ARMC9: variants seen among roughly 807,000 people sequenced by gnomAD.
The protein encoded by ARMC9 is armadillo repeat containing 9, also known as lisH domain-containing protein ARMC9.
ARMC9 carries 94 observed loss-of-function variants against 107.0 expected under a neutral mutation model. That is an observed-to-expected ratio of 0.88 (90% CI 0.74 to 1.04). ARMC9 has a LOEUF of 1.04. Ranked by LOEUF, ARMC9 falls within the 50% of genes least tolerant of loss-of-function variation. The pLI is 0.00. For missense variants in ARMC9, 942 were observed against 1,030.1 expected, an observed-to-expected ratio of 0.91 and a Z score of 1.17; for synonymous variants, 380 against 396.9, an observed-to-expected ratio of 0.96 and a Z score of 0.51.
chr2:231,204,650 C>G (rs1028466215), intron 1 of ARMC9, among the ~76,000 whole-genome samples: 2 of 151,948 alleles, frequency 1.3e-5, no homozygotes, highest in African/African-American at 4.8e-5. Context: ...TGAGAAAAAT[C>G]AAGCAGTACA....
chr2:231,315,966 T>A (rs558148406), intron 19 of ARMC9, among the ~76,000 whole-genome samples: 1 of 152,360 alleles, frequency 6.6e-6, no homozygotes, highest in South Asian at 2.1e-4. Context: ...TCAGTATGCA[T>A]CTTTCACTTG....
intron 21 of ARMC9, among the ~76,000 whole-genome samples, chr2:231,350,026 TAAAAA>T (rs200774556): frequency 1.3e-3 from 183 of 136,918 alleles, no homozygotes; most frequent in African/African-American, 4.4e-3. Context: ...CACAAACATC[TAAAAA>T]AAAAAAAAAA....
At position 231,266,897 on chromosome 2, in the gene ARMC9, A is replaced by G. The variant is rs952118083; in HGVS notation, c.1120-4085A>G. On this transcript the variant is annotated intron_variant, in intron 12 of 24. Coordinates refer to ENST00000611582, the MANE Select transcript of ARMC9 (RefSeq NM_001352754.2). Reference sequence around the variant, plus strand: ...GTGCTGCTGTGAAGTGTGCATGCACATCCTGACTGTTGTGTTAATCCGCTC... The same window carrying G: ...GTGCTGCTGTGAAGTGTGCATGCACGTCCTGACTGTTGTGTTAATCCGCTC... Among the ~76,000 whole-genome samples the G allele has an allele frequency of 2.0e-5, 3 of 152,254 alleles. No individual in the cohort carries two copies. In the South Asian group the frequency reaches 6.2e-4, roughly 31 times the overall value.
Position 231,296,238 on chromosome 2 carries a change from A to T in ARMC9, c.1758A>T (p.Glu586Asp), listed in dbSNP as rs1208272593. 6.2e-7 allele frequency: 1 copy of T among 1,613,352 alleles called. No homozygotes were observed. The highest frequency in any genetic ancestry group is 2.2e-5 in the East Asian group (1 of 44,860). The change falls in exon 19 of 25, where the codon GAA (glutamate) becomes GAT (aspartate). Residue 586 changes from glutamate to aspartate, a missense_variant. By Grantham distance (45) the Glu-to-Asp change is conservative (BLOSUM62 2). Transcript: ENST00000611582. Reference sequence around the variant, plus strand: ...GTGTTCTTGAATCTGATGATGATGAAGATGAAGATGATGAAGTAAGTTGGA... The same window carrying T: ...GTGTTCTTGAATCTGATGATGATGATGATGAAGATGATGAAGTAAGTTGGA... Reference protein sequence around the residue: ...PDGVLESDDDEDEDDEEDHDI... With the variant: ...PDGVLESDDDDDEDDEEDHDI...
intron 9 of ARMC9, among the ~76,000 whole-genome samples, chr2:231,250,733 G>A (rs1244338304): frequency 1.3e-5 from 2 of 152,148 alleles, no homozygotes; most frequent in Non-Finnish European, 2.9e-5. Context: ...TTGAGGCTGA[G>A]CAGATGCGAT....
chr2:231,328,814 C>CTTTT lies in ARMC9; in HGVS notation c.1774-2978_1774-2975dup, dbSNP rs1341987081. Among the ~76,000 whole-genome samples the CTTTT allele has an allele frequency of 6.7e-3, 854 of 127,290 alleles. 109 individuals carry two copies. The highest frequency in any genetic ancestry group is 0.055 in the East Asian group (256 of 4,672). The allele number at this position is 127,290 out of a possible 152,430, so 83.5% of individuals were successfully genotyped here. ...AGCGTGTTCAATTTTCTTTTCTTTT[C>CTTTT]TTTTCTTTTTTTTTTTTTGAGTCGG... is the stretch of plus-strand genomic sequence containing the variant. On this transcript the variant is annotated intron_variant, in intron 19 of 24. Transcript: ENST00000611582.
chr2:231,240,631 T>G (rs2036207733), intron 9 of ARMC9, among the ~76,000 whole-genome samples: 1 of 152,190 alleles, frequency 6.6e-6, no homozygotes, highest in Non-Finnish European at 1.5e-5. Flanking sequence ...TTTCTTAAGG[T>G]TAGGAATATT....
chr2:231,372,581 G>GTCATCAGAA lies in ARMC9; in HGVS notation c.*1049_*1057dup, dbSNP rs1382287245. 1 of 152,354 alleles carries GTCATCAGAA rather than the reference G, an allele frequency of 6.6e-6. No homozygotes were observed. The highest frequency in any genetic ancestry group is 1.5e-5 in the Non-Finnish European group (1 of 68,152). 9.4% of individuals were successfully genotyped at this position (152,354 alleles called of 1,614,324 possible). A position where few individuals can be genotyped will look rare whatever the true frequency, so the allele number is the denominator to read the frequency against. The stretch of plus-strand genomic sequence containing the variant: ...CCTGCGCACGCCCCTCACCAGGGCT[G>GTCATCAGAA]TCATCAGAATCCAGTCTTAGGACAG... On this transcript the variant is annotated 3_prime_UTR_variant, in exon 25 of 25. Coordinates refer to ENST00000611582, the MANE Select transcript of ARMC9 (RefSeq NM_001352754.2).
At chr2:231,250,509 C>T (rs1188484760) in intron 9 of ARMC9, among the ~76,000 whole-genome samples, 2 of 152,196 alleles carry the variant, frequency 1.3e-5, no homozygotes, top group Non-Finnish European at 2.9e-5. Flanking sequence ...CTGCCACTCA[C>T]ACTGCAGAGA....
chr2:231,251,293 A>G (rs999809081), intron 9 of ARMC9, among the ~76,000 whole-genome samples: 1 of 151,976 alleles, frequency 6.6e-6, no homozygotes, highest in Admixed American at 6.5e-5. Context: ...CGGCCTCCCA[A>G]GTAGCTGGGA....
intron 1 of ARMC9, among the ~76,000 whole-genome samples, chr2:231,200,953 G>A (rs376752605): frequency 6.6e-6 from 1 of 152,130 alleles, no homozygotes; most frequent in Non-Finnish European, 1.5e-5. Flanking sequence ...ATGTTTGCCT[G>A]GGGGGGCAGA....
intron 19 of ARMC9, among the ~76,000 whole-genome samples, chr2:231,321,876 A>T (rs1575075328): frequency 6.6e-6 from 1 of 152,016 alleles, no homozygotes; most frequent in Non-Finnish European, 1.5e-5. Flanking sequence ...GTCTTCTCTT[A>T]TTGGGTGTAT....
At chr2:231,295,707 C>T (rs1211382118) in intron 18 of ARMC9, 1 of 152,480 alleles carries the variant, frequency 6.6e-6, no homozygotes, top group Non-Finnish European at 1.5e-5. Flanking sequence ...CCCATACCGC[C>T]CGTGGAAAAA....
chr2:231,247,759 C>CT (rs1481129914), intron 9 of ARMC9, among the ~76,000 whole-genome samples: 2 of 152,074 alleles, frequency 1.3e-5, no homozygotes, highest in African/African-American at 2.4e-5. Context: ...GACAAAACCC[C>CT]GTCTCTACTA....
chr2:231,223,594 T>C (rs1036515582), intron 6 of ARMC9, among the ~76,000 whole-genome samples: 1 of 152,256 alleles, frequency 6.6e-6, no homozygotes, highest in African/African-American at 2.4e-5. Context: ...TTTAATTTCA[T>C]GAAAAATTTA....
In ARMC9 at chr2:231,370,091, C is replaced by T. The variant is rs775538265; in HGVS notation, c.2400C>T (p.Pro800=). Residue 800 remains proline (P), a synonymous_variant, in exon 24 of 25, where the codon CCC becomes CCT. Transcript: ENST00000611582. ...GTGGCCCCCAGCAGGCCAGCCGCCC[C>T]GGCTCCACAGCGTCCTCCACAAGGG... is the stretch of plus-strand genomic sequence containing the variant. The part of the protein sequence containing the change: ...SSCGPQQASR[P]GSTASSTRGL... The T allele has an allele frequency of 1.4e-5, 21 of 1,534,272 alleles. No individual in the cohort carries two copies. The highest frequency in any genetic ancestry group is 1.7e-4 in the Middle Eastern group (1 of 6,006).
At chr2:231,235,641 T>A (rs947898938) in intron 8 of ARMC9, among the ~76,000 whole-genome samples, 3 of 152,202 alleles carry the variant, frequency 2.0e-5, no homozygotes, top group Non-Finnish European at 4.4e-5. Flanking sequence ...ACTTTATTCT[T>A]TTTTGTTTGT....
At chr2:231,248,974 C>G (rs1559349830) in intron 9 of ARMC9, among the ~76,000 whole-genome samples, 1 of 152,098 alleles carries the variant, frequency 6.6e-6, no homozygotes, top group African/African-American at 2.4e-5. Flanking sequence ...TTCAAGGGGC[C>G]CTACATTCCT....
chr2:231,212,234 C>G (rs1332736592), intron 3 of ARMC9, among the ~76,000 whole-genome samples: 5 of 152,140 alleles, frequency 3.3e-5, no homozygotes, highest in Non-Finnish European at 5.9e-5. Flanking sequence ...CTGCTTTGAT[C>G]ATGGTTTATA....
Sources: gnomAD v4.1 joint callset for allele counts (sites outside exome capture counted in the v4.1 genomes callset) on GRCh38, gnomAD v4.1.1 for gene constraint, MANE v1.5 for transcripts, NCBI Gene and HGNC (gene_info 2026-07-23, HGNC 2026-07-21) for gene names.